The following MGAT4C variants were observed in gnomAD, a reference collection of about 807,000 sequenced individuals.
The protein encoded by MGAT4C is MGAT4 family member C.
In MGAT4C, 19 loss-of-function variants were observed where a neutral mutation model predicts 40.1. The ratio of observed to expected loss-of-function variants is 0.47; its 90% CI spans 0.33 to 0.70. MGAT4C has a LOEUF of 0.70. MGAT4C is among the 30% of genes least tolerant of loss of function. MGAT4C has a pLI of 0.02. For synonymous variants in MGAT4C, 181 were observed against 187.1 expected, an observed-to-expected ratio of 0.97 and a Z score of 0.27; for missense variants, 491 against 563.2, an observed-to-expected ratio of 0.87 and a Z score of 1.30.
intron 1 of MGAT4C, among the ~76,000 whole-genome samples, chr12:86,733,763 G>A (rs1317711132): frequency 6.6e-6 from 1 of 151,998 alleles, no homozygotes; most frequent in Non-Finnish European, 1.5e-5. Flanking sequence ...TGATTTAACT[G>A]AATTAAAACC....
intron 1 of MGAT4C, among the ~76,000 whole-genome samples, chr12:86,785,258 A>C (rs1278286349): frequency 6.6e-6 from 1 of 152,018 alleles, no homozygotes; most frequent in African/African-American, 2.4e-5. Context: ...AATGAACAGC[A>C]ATATTCCCTT....
At chr12:86,278,972 A>ACACTGATTGATTTATGTATGCTGAAC (rs1953146153) in intron 4 of MGAT4C, among the ~76,000 whole-genome samples, 2 of 151,896 alleles carry the variant, frequency 1.3e-5, no homozygotes, top group African/African-American at 4.8e-5. Flanking sequence ...ATGATGTCTC[A>ACACTGATTGATTTATGTATGCTGAAC]CATCCTTATA....
intron 2 of MGAT4C, among the ~76,000 whole-genome samples, chr12:86,023,907 TA>T (rs1380798356): frequency 2.0e-5 from 3 of 151,806 alleles, no homozygotes; most frequent in Non-Finnish European, 4.4e-5. Context: ...TCTTTATCTT[TA>T]AAATTCTTCC....
intron 2 of MGAT4C, among the ~76,000 whole-genome samples, chr12:86,474,973 AT>A (rs1158495957): frequency 6.6e-5 from 10 of 152,170 alleles, no homozygotes; most frequent in Non-Finnish European, 1.5e-4. Flanking sequence ...CTAAAAACAC[AT>A]TTAAAATAAA....
intron 1 of MGAT4C, among the ~76,000 whole-genome samples, chr12:86,099,784 G>A (rs1460628438): frequency 6.6e-6 from 1 of 151,168 alleles, no homozygotes; most frequent in Non-Finnish European, 1.5e-5. Context: ...GTTTCTTCAG[G>A]ATATGTTGCA....
At chr12:86,425,413 C>T (rs1464153716) in intron 3 of MGAT4C, among the ~76,000 whole-genome samples, 3 of 152,244 alleles carry the variant, frequency 2.0e-5, no homozygotes, top group Non-Finnish European at 4.4e-5. Context: ...CTCTCTTGCT[C>T]TGTCTCTCCT....
At chr12:86,435,908 A>C (rs553979195) in intron 2 of MGAT4C, among the ~76,000 whole-genome samples, 74 of 152,002 alleles carry the variant, frequency 4.9e-4, no homozygotes, top group African/African-American at 1.6e-3. Flanking sequence ...TAAACATTCA[A>C]TATTTCTGGA....
chr12:86,732,635 G>A (rs891294507), intron 1 of MGAT4C, among the ~76,000 whole-genome samples: 1 of 152,000 alleles, frequency 6.6e-6, no homozygotes, highest in Non-Finnish European at 1.5e-5. Context: ...GACAGGAGGT[G>A]GAGCTCAGGT....
intron 4 of MGAT4C, among the ~76,000 whole-genome samples, chr12:86,306,874 G>A (rs1479283430): frequency 6.7e-6 from 1 of 150,352 alleles, no homozygotes; most frequent in African/African-American, 2.5e-5. Context: ...GTACAATGTA[G>A]CAAAATATAA....
intron 2 of MGAT4C, among the ~76,000 whole-genome samples, chr12:86,022,125 T>TA (rs1198039414): frequency 6.6e-6 from 1 of 152,244 alleles, no homozygotes; most frequent in Non-Finnish European, 1.5e-5. Flanking sequence ...TTATTGAGTT[T>TA]ATACTAGGTA....
chr12:86,146,984 G>A (rs1024404935), intron 1 of MGAT4C, among the ~76,000 whole-genome samples: 7 of 152,100 alleles, frequency 4.6e-5, no homozygotes, highest in Non-Finnish European at 8.8e-5. Flanking sequence ...TCAACAAACA[G>A]ACTAAATTAT....
rs1958185083 is a variant in MGAT4C, at chr12:86,493,868, G to GT, written c.-228-58604dup. On this transcript the variant is annotated intron_variant, in intron 2 of 7. Coordinates refer to the MGAT4C transcript ENST00000548651. Reference sequence around the variant, plus strand: ...GCAGCACCTGTGCTTATAGAAAACCGTATGTTTAGGGTACAGATGTTTGTG... The same window carrying GT: ...GCAGCACCTGTGCTTATAGAAAACCGTTATGTTTAGGGTACAGATGTTTGTG... 3.3e-5 allele frequency among the ~76,000 whole-genome samples: 5 copies of GT among 152,008 alleles called. No individual in the cohort carries two copies. In the South Asian group the frequency reaches 1.0e-3, roughly 31 times the overall value.
rs939108915 is a variant in MGAT4C at position 85,970,714 on chromosome 12, T to C, written c.*8575A>G. 3 of 151,326 alleles carry C rather than the reference T, an allele frequency of 2.0e-5. No individual in the cohort carries two copies. The highest frequency in any genetic ancestry group is 7.2e-5 in the African/African-American group (3 of 41,380). 9.4% of individuals were successfully genotyped at this position (151,326 alleles called of 1,614,324 possible). ...TGTACAATTCAGATATTATTTTGCT[T>C]TGAAGTCAAATAGAGGAACCTTAAA... On this transcript the variant is annotated 3_prime_UTR_variant, in exon 5 of 5. Coordinates refer to ENST00000611864, the MANE Select transcript of MGAT4C (RefSeq NM_001351288.2).
At chr12:86,311,864 G>A (rs1443859552) in intron 4 of MGAT4C, among the ~76,000 whole-genome samples, 1 of 152,084 alleles carries the variant, frequency 6.6e-6, no homozygotes, top group Non-Finnish European at 1.5e-5. Flanking sequence ...AGATACCACT[G>A]GCACTCTCCA....
chr12:86,255,553 G>A (rs1400795311), intron 1 of MGAT4C, among the ~76,000 whole-genome samples: 2 of 152,056 alleles, frequency 1.3e-5, no homozygotes, highest in Admixed American at 1.3e-4. Context: ...TTCTGGCTAT[G>A]TAAAGACAGT....
intron 2 of MGAT4C, among the ~76,000 whole-genome samples, chr12:86,035,144 C>T (rs1046657566): frequency 2.7e-5 from 4 of 149,604 alleles, no homozygotes; most frequent in Non-Finnish European, 6.0e-5. Context: ...GATAAATTGC[C>T]ACCGTCTCTT....
Position 86,338,942 on chromosome 12 carries a change from G to C in MGAT4C, c.-119-4815C>G, listed in dbSNP as rs566094780. On this transcript the variant is annotated intron_variant, in intron 3 of 7. Coordinates refer to the MGAT4C transcript ENST00000548651. ...CCACTGCACTCCAGGCTGGGTGACAGAGTGAGACTCCATCTCAAAAAAAAA... is the reference window on the plus strand; with the variant it reads ...CCACTGCACTCCAGGCTGGGTGACACAGTGAGACTCCATCTCAAAAAAAAA... 3.7e-3 allele frequency among the ~76,000 whole-genome samples: 398 copies of C among 108,328 alleles called. 1 individual carries two copies. The highest frequency in any genetic ancestry group is 0.014 in the African/African-American group (385 of 27,056). 71.1% of individuals were successfully genotyped at this position (108,328 alleles called of 152,430 possible). A position where few individuals can be genotyped will look rare whatever the true frequency, so the allele number is the denominator to read the frequency against.
intron 1 of MGAT4C, among the ~76,000 whole-genome samples, chr12:86,139,149 T>C (rs147585581): frequency 5.9e-5 from 9 of 152,282 alleles, no homozygotes; most frequent in African/African-American, 2.2e-4. Context: ...TATCCTTCTA[T>C]GATGTGTTTT....
At chr12:86,789,504 T>C (rs562609256) in intron 1 of MGAT4C, among the ~76,000 whole-genome samples, 1 of 152,198 alleles carries the variant, frequency 6.6e-6, no homozygotes, top group South Asian at 2.1e-4. Context: ...CTTTCATGAA[T>C]TGTCAGTACC....
Sources: allele counts gnomAD v4.1 joint callset (sites outside exome capture counted in the v4.1 genomes callset), GRCh38; gene constraint gnomAD v4.1.1; transcripts MANE v1.5; gene names NCBI Gene and HGNC (gene_info 2026-07-23, HGNC 2026-07-21).